The following CRB1 variants were observed in gnomAD, a reference collection of about 807,000 sequenced individuals.
CRB1 encodes the protein protein crumbs homolog 1.
In CRB1, 83 loss-of-function variants were observed where a neutral mutation model predicts 120.0. That is an observed-to-expected ratio of 0.69 (90% CI 0.58 to 0.83). The LOEUF (loss-of-function observed/expected upper bound fraction) is 0.83. Ranked by LOEUF, CRB1 falls within the 40% of genes least tolerant of loss-of-function variation. The pLI is 0.00. For missense variants in CRB1, 1,699 were observed against 1,687.6 expected, an observed-to-expected ratio of 1.01 and a Z score of -0.12; for synonymous variants, 625 against 612.5, an observed-to-expected ratio of 1.02 and a Z score of -0.30.
intron 11 of CRB1, among the ~76,000 whole-genome samples, chr1:197,451,356 T>G (rs1029092372): frequency 6.6e-6 from 1 of 152,204 alleles, no homozygotes; most frequent in African/African-American, 2.4e-5. Context: ...TTGAGCAAAG[T>G]GTAGTACACA....
At position 197,427,839 on chromosome 1, in the gene CRB1, G is replaced by C; in HGVS notation, c.2514G>C (p.Lys838Asn). 1.9e-6 allele frequency: 3 copies of C among 1,614,018 alleles called. No homozygotes were observed. Among genetic ancestry groups the C allele is most frequent in the Non-Finnish European group, 2.5e-6 (3 of 1,179,980 alleles). Residue 838 changes from lysine (K) to asparagine (N), a missense_variant, in exon 7 of 12, where the codon AAG (lysine) becomes AAC (asparagine). Physicochemically the swap from Lys to Asn is moderately conservative, Grantham distance 94. Transcript: ENST00000367400. ...TCTACATTGGTGGCCTACCTGACAA[G>C]CAAGAGACTGAACTTAATGGTGGAT... ...DVIYIGGLPDKQETELNGGFF... is the reference protein window; with the variant it reads ...DVIYIGGLPDNQETELNGGFF...
the CRB1 span, among the ~76,000 whole-genome samples, chr1:197,255,965 TTA>T: frequency 0.062 from 5,251 of 85,268 alleles, 222 homozygotes; most frequent in Middle Eastern, 0.12. Flanking sequence ...ATAGAACATT[TTA>T]TATATATATA....
chr1:197,411,171 G>A (rs565245926), intron 5 of CRB1, among the ~76,000 whole-genome samples: 1 of 152,286 alleles, frequency 6.6e-6, no homozygotes, highest in South Asian at 2.1e-4. Flanking sequence ...CTTTATTGGA[G>A]TGTCCATATC....
intron 2 of CRB1, among the ~76,000 whole-genome samples, chr1:197,339,742 G>A (rs148354996): frequency 2.2e-4 from 33 of 152,254 alleles, no homozygotes; most frequent in South Asian, 1.5e-3. Flanking sequence ...TCTAAATGCC[G>A]AAAGATGCCA....
chr1:197,463,849 A>G (rs192700482), intron 11 of CRB1, among the ~76,000 whole-genome samples: 88 of 152,302 alleles, frequency 5.8e-4, no homozygotes, highest in Non-Finnish European at 8.7e-4. Flanking sequence ...TACAGGAAAG[A>G]TTAACTACCT....
intron 2 of CRB1, among the ~76,000 whole-genome samples, chr1:197,341,966 T>G (rs529927491): frequency 1.3e-5 from 2 of 152,256 alleles, no homozygotes; most frequent in East Asian, 3.9e-4. Flanking sequence ...CAGAGATCAG[T>G]GTATACAAAA....
At chr1:197,303,134 A>C (rs1226096502) in intron 1 of CRB1, among the ~76,000 whole-genome samples, 1 of 150,502 alleles carries the variant, frequency 6.6e-6, no homozygotes, top group Non-Finnish European at 1.5e-5. Flanking sequence ...TTTATTTATT[A>C]TTTTATTATT....
intron 4 of CRB1, among the ~76,000 whole-genome samples, chr1:197,352,041 T>G (rs1287515764): frequency 1.3e-5 from 2 of 152,144 alleles, no homozygotes; most frequent in African/African-American, 2.4e-5. Context: ...TCAGAAGTAA[T>G]TAATAATTAC....
At chr1:197,333,444 C>T (rs934678061) in intron 2 of CRB1, among the ~76,000 whole-genome samples, 3 of 152,150 alleles carry the variant, frequency 2.0e-5, no homozygotes, top group Non-Finnish European at 4.4e-5. Context: ...ATAATTGAGG[C>T]CTTCTTTAAA....
intron 11 of CRB1, among the ~76,000 whole-genome samples, chr1:197,454,782 G>A (rs1449056244): frequency 6.6e-6 from 1 of 152,114 alleles, no homozygotes; most frequent in African/African-American, 2.4e-5. Flanking sequence ...GCCTTGGTAC[G>A]ATACTGGACT....
At chr1:197,398,662 A>G (rs919161701) in intron 5 of CRB1, among the ~76,000 whole-genome samples, 17 of 152,306 alleles carry the variant, frequency 1.1e-4, no homozygotes, top group African/African-American at 4.1e-4. Context: ...TCGGCAAGTC[A>G]GCGAACATAA....
chr1:197,293,631 C>A (rs1266340779), intron 1 of CRB1, among the ~76,000 whole-genome samples: 29 of 152,126 alleles, frequency 1.9e-4, no homozygotes, highest in Admixed American at 1.9e-3. Context: ...AAGAACAAAG[C>A]TGAAGGCATC....
At chr1:197,341,926 G>C (rs768750809) in intron 2 of CRB1, among the ~76,000 whole-genome samples, 12 of 152,156 alleles carry the variant, frequency 7.9e-5, no homozygotes, top group Non-Finnish European at 1.5e-4. Context: ...TGGCTTCCTT[G>C]GGTGGACAAG....
intron 5 of CRB1, among the ~76,000 whole-genome samples, chr1:197,379,909 T>G (rs1180515760): frequency 6.6e-6 from 1 of 152,214 alleles, no homozygotes; most frequent in East Asian, 1.9e-4. Flanking sequence ...AACAAAATTT[T>G]TATAACTGTT....
intron 5 of CRB1, among the ~76,000 whole-genome samples, chr1:197,371,825 C>A (rs928408752): frequency 2.6e-5 from 4 of 152,106 alleles, no homozygotes; most frequent in African/African-American, 7.2e-5. Context: ...GAAGCCTGCT[C>A]CTTGTCCCAG....
chr1:197,390,456 C>T (rs1030643291), intron 5 of CRB1, among the ~76,000 whole-genome samples: 3 of 151,982 alleles, frequency 2.0e-5, no homozygotes, highest in Non-Finnish European at 4.4e-5. Flanking sequence ...TGAACAATAG[C>T]TCCCAACATT....
rs137927920 is a variant in CRB1 at position 197,381,353 on chromosome 1, C to T, written c.1171+24340C>T. ...GAATCATTCAAATTGGCATAATCCT[C>T]ACTTACTTCGTATCTCATAGGTAAA... On this transcript the variant is annotated intron_variant, in intron 5 of 11. Transcript: ENST00000367400. Among the ~76,000 whole-genome samples, 18 of 152,326 alleles carry T rather than the reference C, an allele frequency of 1.2e-4. No individual in the cohort carries two copies. In the East Asian group the frequency reaches 3.5e-3, roughly 29 times the overall value.
In CRB1 at chr1:197,394,543, A is replaced by G. The variant is rs182008874; in HGVS notation, c.1172-26457A>G. ...CCATAGATATTGTAAAACTACCTACATTCACAATGATTAAAATAAGTTATA... is the reference window on the plus strand; with the variant it reads ...CCATAGATATTGTAAAACTACCTACGTTCACAATGATTAAAATAAGTTATA... On this transcript the variant is annotated intron_variant, in intron 5 of 11. Coordinates refer to ENST00000367400, the MANE Select transcript of CRB1 (RefSeq NM_201253.3). 2.5e-3 allele frequency among the ~76,000 whole-genome samples: 375 copies of G among 152,192 alleles called. 9 individuals are homozygous for G. The highest frequency in any genetic ancestry group is 1.2e-3 in the East Asian group (6 of 5,176).
chr1:197,381,807 T>C (rs906302738), intron 5 of CRB1, among the ~76,000 whole-genome samples: 2 of 152,218 alleles, frequency 1.3e-5, no homozygotes, highest in Non-Finnish European at 2.9e-5. Context: ...CACTGATTGG[T>C]GAAGTCAACT....
Sources: gnomAD v4.1 joint callset for allele counts (sites outside exome capture counted in the v4.1 genomes callset) on GRCh38, gnomAD v4.1.1 for gene constraint, MANE v1.5 for transcripts, NCBI Gene and HGNC (gene_info 2026-07-23, HGNC 2026-07-21) for gene names.